Variants in NCOA2 observed in about 807,000 individuals in gnomAD.
NCOA2 encodes nuclear receptor coactivator 2.
In NCOA2, 21 loss-of-function variants were observed where a neutral mutation model predicts 145.1. That is an observed-to-expected ratio of 0.14 (90% CI 0.10 to 0.21). The LOEUF is 0.21. NCOA2 is among the 10% of genes least tolerant of loss of function. The probability of loss-of-function intolerance (pLI) is 1.00; values close to 1 mark genes in which losing one functional copy is unlikely to be tolerated. For missense variants in NCOA2, 1,472 were observed against 1,837.6 expected (o/e 0.80, Z 3.64); for synonymous variants, 619 against 637.5 (o/e 0.97, Z 0.44).
rs1485986031 is a variant in NCOA2 at position 70,403,155 on chromosome 8, C to T, written c.-77+545G>A. ...CCCGGCTCCCACTCTCCGCTGCAGC[C>T]GCTCCGCGCTTCCATTAAAGAATGC... On this transcript the variant is annotated intron_variant, in intron 1 of 22. Transcript: ENST00000452400. Among the ~76,000 whole-genome samples the T allele has an allele frequency of 4.6e-5, 7 of 151,280 alleles. No individual in the cohort carries two copies. The East Asian group carries it at 9.7e-4, about 21-fold the overall frequency.
chr8:70,173,999 C>T (rs771405886), intron 5 of NCOA2, among the ~76,000 whole-genome samples: 8 of 152,154 alleles, frequency 5.3e-5, no homozygotes, highest in Non-Finnish European at 1.2e-4. Context: ...TATCATCAGC[C>T]GAGCAAATTA....
chr8:70,446,746 T>C, the NCOA2 span, among the ~76,000 whole-genome samples: 1 of 152,216 alleles, frequency 6.6e-6, no homozygotes, highest in East Asian at 1.9e-4. Flanking sequence ...AAAGAAATGG[T>C]TCTTTCTTTT....
chr8:70,329,549 A>G (rs974590402), intron 1 of NCOA2, among the ~76,000 whole-genome samples: 1 of 152,170 alleles, frequency 6.6e-6, no homozygotes, highest in Non-Finnish European at 1.5e-5. Context: ...GCCAAGACTC[A>G]GCAATTTTGA....
At position 70,112,133 on chromosome 8, in the gene NCOA2, C is replaced by T. The variant is rs747641890; in HGVS notation, c.*1499G>A. 1.8e-4 allele frequency: 37 copies of T among 204,464 alleles called. No homozygotes were observed. The highest frequency in any genetic ancestry group is 2.3e-4 in the Non-Finnish European group (23 of 99,766). 12.7% of individuals were successfully genotyped at this position (204,464 alleles called of 1,614,324 possible). On this transcript the variant is annotated 3_prime_UTR_variant, in exon 23 of 23. Coordinates refer to ENST00000452400, the MANE Select transcript of NCOA2 (RefSeq NM_006540.4). The stretch of plus-strand genomic sequence containing the variant: ...AAAAATCAAGAATTGGTTCCTACAG[C>T]GGCTGCATATCATATAGATTAGATA...
chr8:70,165,858 C>T (rs1813555249), intron 7 of NCOA2, among the ~76,000 whole-genome samples: 2 of 152,144 alleles, frequency 1.3e-5, no homozygotes, highest in South Asian at 2.1e-4. Context: ...CTCACTCTGT[C>T]GCCCAGGCTG....
At chr8:70,293,559 T>G (rs1388732996) in intron 2 of NCOA2, among the ~76,000 whole-genome samples, 1 of 152,190 alleles carries the variant, frequency 6.6e-6, no homozygotes, top group East Asian at 1.9e-4. Flanking sequence ...GTACTTAGCA[T>G]GTGTGAACAA....
chr8:70,390,424 T>C (rs1813084669), intron 1 of NCOA2, among the ~76,000 whole-genome samples: 1 of 152,182 alleles, frequency 6.6e-6, no homozygotes, highest in Non-Finnish European at 1.5e-5. Context: ...TGACAAAATC[T>C]TTCCTGCCCA....
At chr8:70,340,548 G>T (rs1167855764) in intron 1 of NCOA2, among the ~76,000 whole-genome samples, 2 of 152,134 alleles carry the variant, frequency 1.3e-5, no homozygotes, top group African/African-American at 4.8e-5. Flanking sequence ...ACTTCTCAAA[G>T]ACCTAGAGTC....
the NCOA2 span, among the ~76,000 whole-genome samples, chr8:70,428,037 A>C: frequency 2.0e-5 from 3 of 150,910 alleles, no homozygotes; most frequent in African/African-American, 7.3e-5. Context: ...TTTTGAATAA[A>C]ATATACTTGA....
intron 2 of NCOA2, among the ~76,000 whole-genome samples, chr8:70,268,575 T>A (rs1327125535): frequency 1.3e-5 from 2 of 152,180 alleles, no homozygotes; most frequent in African/African-American, 4.8e-5. Context: ...ATATAATGCT[T>A]AAGATTATAG....
At chr8:70,183,423 T>C (rs1815702017) in intron 4 of NCOA2, among the ~76,000 whole-genome samples, 1 of 152,226 alleles carries the variant, frequency 6.6e-6, no homozygotes, top group South Asian at 2.1e-4. Context: ...GCTTAAAATA[T>C]GAAAATTATA....
chr8:70,149,955 G>A (rs1034859345), intron 11 of NCOA2, among the ~76,000 whole-genome samples: 2 of 152,060 alleles, frequency 1.3e-5, no homozygotes, highest in African/African-American at 2.4e-5. Context: ...ATTTTTATCC[G>A]ACATACAATT....
intron 2 of NCOA2, among the ~76,000 whole-genome samples, chr8:70,261,505 T>C (rs996733815): frequency 3.3e-5 from 5 of 152,088 alleles, no homozygotes; most frequent in African/African-American, 1.2e-4. Context: ...GACGAGTTAA[T>C]GGGTGCAGCA....
At chr8:70,263,291 C>T (rs779097138) in intron 2 of NCOA2, among the ~76,000 whole-genome samples, 3 of 149,786 alleles carry the variant, frequency 2.0e-5, no homozygotes, top group East Asian at 2.0e-4. Flanking sequence ...AACAGGATGG[C>T]GGGAAATTTC....
chr8:70,273,802 T>C (rs1350224757), intron 2 of NCOA2: 2 of 575,918 alleles, frequency 3.5e-6, no homozygotes, highest in Non-Finnish European at 6.7e-6. Context: ...CCAGATCTTG[T>C]GGAGAATTTG....
intron 11 of NCOA2, among the ~76,000 whole-genome samples, chr8:70,153,040 T>C (rs1811915009): frequency 6.6e-6 from 1 of 152,238 alleles, no homozygotes; most frequent in South Asian, 2.1e-4. Context: ...TGTTTTTTTC[T>C]TAAAGTAAGT....
intron 1 of NCOA2, among the ~76,000 whole-genome samples, chr8:70,397,241 C>G (rs2131727400): frequency 6.6e-6 from 1 of 152,228 alleles, no homozygotes; most frequent in African/African-American, 2.4e-5. Context: ...GGCAGGAGGT[C>G]AGGAGTTCAG....
chr8:70,425,040 C>T, the NCOA2 span, among the ~76,000 whole-genome samples: 3 of 152,174 alleles, frequency 2.0e-5, no homozygotes, highest in Admixed American at 6.5e-5. Context: ...CCACTAAACT[C>T]CTACTTGTAC....
chr8:70,382,175 G>T (rs1484253885), intron 1 of NCOA2, among the ~76,000 whole-genome samples: 1 of 151,988 alleles, frequency 6.6e-6, no homozygotes, highest in African/African-American at 2.4e-5. Context: ...CATATGGTCT[G>T]GGAAATAAGC....
Sources: gnomAD v4.1 joint callset for allele counts (sites outside exome capture counted in the v4.1 genomes callset) on GRCh38, gnomAD v4.1.1 for gene constraint, MANE v1.5 for transcripts, NCBI Gene and HGNC (gene_info 2026-07-23, HGNC 2026-07-21) for gene names.